Variants in DMD observed in about 807,000 individuals in gnomAD.
DMD encodes dystrophin, also known as mutant dystrophin.
A neutral mutation model predicts 330.1 loss-of-function variants in DMD; 63 were observed. The observed-to-expected ratio is 0.19, with a 90% CI of 0.16 to 0.24. The LOEUF (loss-of-function observed/expected upper bound fraction) is 0.24, where lower values mean the gene tolerates loss of function less well. Ranked by LOEUF, DMD falls within the 10% of genes least tolerant of loss-of-function variation. The pLI is 1.00. For missense variants in DMD, 3,344 were observed against 2,684.1 expected, an observed-to-expected ratio of 1.25 and a Z score of -5.43; for synonymous variants, 1,223 against 959.8, an observed-to-expected ratio of 1.27 and a Z score of -5.07.
At chrX:32,044,429 ATT>A (rs35393923) in intron 44 of DMD, among the ~76,000 whole-genome samples, 1 of 104,918 alleles carries the variant, frequency 9.5e-6, no homozygotes, top group African/African-American at 3.4e-5. Context: ...TATTTATTTA[ATT>A]TTTTTTTTGA....
chrX:32,105,859 G>A (rs756819251), intron 44 of DMD, among the ~76,000 whole-genome samples: 4 of 111,996 alleles, frequency 3.6e-5, no homozygotes, highest in Non-Finnish European at 7.5e-5. Flanking sequence ...ACTCTATTAT[G>A]TTTAAACTTC....
intron 16 of DMD, among the ~76,000 whole-genome samples, chrX:32,555,313 G>C (rs192017901): frequency 1.3e-4 from 14 of 111,035 alleles, no homozygotes; most frequent in Non-Finnish European, 2.6e-4. Context: ...AAAATAATAA[G>C]AGCCATAAAT....
At chrX:31,228,446 T>G (rs952198495) in intron 63 of DMD, among the ~76,000 whole-genome samples, 1 of 110,421 alleles carries the variant, frequency 9.1e-6, no homozygotes, top group Non-Finnish European at 1.9e-5. Flanking sequence ...TGAGTCCGCA[T>G]GTGTTGCTAG....
At chrX:31,196,527 T>C (rs1253921936) in intron 67 of DMD, among the ~76,000 whole-genome samples, 2 of 110,578 alleles carry the variant, frequency 1.8e-5, no homozygotes, top group Admixed American at 9.6e-5. Flanking sequence ...GGAAAATCTA[T>C]TAATAAAATG....
chrX:31,537,480 T>C (rs773589701), intron 55 of DMD, among the ~76,000 whole-genome samples: 1 of 112,328 alleles, frequency 8.9e-6, no homozygotes, highest in East Asian at 2.8e-4. Context: ...TTAAAGATTC[T>C]CTAGCCTAGA....
chrX:32,502,111 C>T (rs1295603796), intron 18 of DMD, among the ~76,000 whole-genome samples: 4 of 111,041 alleles, frequency 3.6e-5, no homozygotes, highest in South Asian at 3.7e-4. Flanking sequence ...TACATTTCAA[C>T]GCAAGACTGC....
intron 21 of DMD, among the ~76,000 whole-genome samples, chrX:32,483,789 T>A (rs1171838080): frequency 7.8e-5 from 1 of 12,899 alleles, no homozygotes; most frequent in African/African-American, 3.1e-4. Flanking sequence ...TACAGGAAAA[T>A]AAACCCCTTA....
At chrX:33,081,678 G>C (rs1759867488) in intron 1 of DMD, among the ~76,000 whole-genome samples, 1 of 112,118 alleles carries the variant, frequency 8.9e-6, no homozygotes, top group Non-Finnish European at 1.9e-5. Context: ...TCTCCCAGTG[G>C]AGGGTGAGGA....
intron 51 of DMD, among the ~76,000 whole-genome samples, chrX:31,744,441 T>G (rs1374708652): frequency 9.0e-6 from 1 of 111,508 alleles, no homozygotes; most frequent in East Asian, 2.8e-4. Context: ...TGAAACCCAA[T>G]AAAACGAGAT....
intron 48 of DMD, among the ~76,000 whole-genome samples, chrX:31,855,627 A>G (rs1175901240): frequency 2.7e-5 from 3 of 111,846 alleles, no homozygotes; most frequent in Non-Finnish European, 5.6e-5. Flanking sequence ...TAGGTTCTGT[A>G]CCAAAATCAT....
intron 60 of DMD, among the ~76,000 whole-genome samples, chrX:31,377,223 C>T: frequency 9.0e-6 from 1 of 111,358 alleles, no homozygotes; most frequent in Non-Finnish European, 1.9e-5. Context: ...CTGTCTTTGC[C>T]AAGAGGGTTT....
rs1383114676 is a variant in DMD, at chrX:31,774,204, T to C, written c.7310-12A>G. 8.5e-7 allele frequency: 1 copy of C among 1,177,195 alleles called. No individual in the cohort carries two copies. The highest frequency in any genetic ancestry group is 1.2e-6 in the Non-Finnish European group (1 of 869,067). On this transcript the variant is annotated splice_polypyrimidine_tract_variant and intron_variant, in intron 50 of 78. Transcript: ENST00000357033. ...AGTCTGAGTAGGAGCTAAAATATTTTGGGTTTTTGCAAAAAGGAAAAAAGA... is the reference window on the plus strand; with the variant it reads ...AGTCTGAGTAGGAGCTAAAATATTTCGGGTTTTTGCAAAAAGGAAAAAAGA...
chrX:31,653,076 T>C (rs2080554736), intron 54 of DMD, among the ~76,000 whole-genome samples: 1 of 111,416 alleles, frequency 9.0e-6, no homozygotes, highest in South Asian at 3.8e-4. Context: ...AGTGTTTAAC[T>C]AGAGTAGCTC....
rs184506521 is a variant in DMD at position 33,332,442 on chromosome X, A to G, written c.7+6817T>C. ...AAATGAAGACATGTGCAGATATAAC[A>G]TGTTAAGAAGATAAATAAAACATCA... On this transcript the variant is annotated intron_variant, in intron 1 of 17. Coordinates refer to the DMD transcript ENST00000288447. 4.5e-5 allele frequency among the ~76,000 whole-genome samples: 5 copies of G among 111,860 alleles called. No homozygotes were observed. In the East Asian group the frequency reaches 1.1e-3, roughly 25 times the overall value.
intron 55 of DMD, among the ~76,000 whole-genome samples, chrX:31,617,993 T>C (rs1371770847): frequency 9.0e-6 from 1 of 111,285 alleles, no homozygotes; most frequent in Non-Finnish European, 1.9e-5. Flanking sequence ...AAATACCATA[T>C]ATTCTCACTT....
chrX:31,421,367 C>T (rs758129894), intron 60 of DMD, among the ~76,000 whole-genome samples: 22 of 111,856 alleles, frequency 2.0e-4, no homozygotes, highest in Non-Finnish European at 3.9e-4. Context: ...TTCTAGTCTA[C>T]GATTTCTGGG....
chrX:32,096,254 C>G (rs1430204645), intron 44 of DMD, among the ~76,000 whole-genome samples: 1 of 111,639 alleles, frequency 9.0e-6, no homozygotes, highest in African/African-American at 3.3e-5. Flanking sequence ...CGCCCAATGC[C>G]CCACAGATAG....
intron 1 of DMD, among the ~76,000 whole-genome samples, chrX:33,142,110 A>G (rs1267078989): frequency 8.0e-5 from 9 of 112,176 alleles, no homozygotes; most frequent in Non-Finnish European, 1.7e-4. Context: ...TTTGAGATGG[A>G]GTTTCACTCT....
intron 43 of DMD, among the ~76,000 whole-genome samples, chrX:32,234,073 T>C (rs1474670592): frequency 8.9e-6 from 1 of 111,862 alleles, no homozygotes; most frequent in Non-Finnish European, 1.9e-5. Context: ...ACAGTAAAAC[T>C]GGCTGGTCCA....
Sources: gnomAD v4.1 joint callset for allele counts (sites outside exome capture counted in the v4.1 genomes callset) on GRCh38, gnomAD v4.1.1 for gene constraint, MANE v1.5 for transcripts, NCBI Gene and HGNC (gene_info 2026-07-23, HGNC 2026-07-21) for gene names.